TCF7L1: variants seen among roughly 807,000 people sequenced by gnomAD.
TCF7L1 encodes the protein transcription factor 7 like 1.
In TCF7L1, 18 loss-of-function variants were observed where a neutral mutation model predicts 63.7. The observed-to-expected ratio is 0.28, with a 90% CI of 0.20 to 0.42. TCF7L1 has a LOEUF of 0.42. Among genes scored for constraint, TCF7L1 ranks in the 10% least tolerant of loss-of-function variants. The pLI is 1.00. For synonymous variants in TCF7L1, 355 were observed against 340.9 expected, an observed-to-expected ratio of 1.04 and a Z score of -0.46; for missense variants, 654 against 779.3, an observed-to-expected ratio of 0.84 and a Z score of 1.91.
chr2:85,245,770 G>C (rs1009371928), intron 3 of TCF7L1, among the ~76,000 whole-genome samples: 1 of 150,988 alleles, frequency 6.6e-6, no homozygotes, highest in Non-Finnish European at 1.5e-5. Flanking sequence ...AGCCGAGATC[G>C]CACCACTGCA....
intron 3 of TCF7L1, among the ~76,000 whole-genome samples, chr2:85,234,295 T>C (rs1455493789): frequency 6.6e-6 from 1 of 151,808 alleles, no homozygotes; most frequent in Non-Finnish European, 1.5e-5. Context: ...GCCAACACGC[T>C]CAGCTAATTT....
intron 3 of TCF7L1, among the ~76,000 whole-genome samples, chr2:85,235,987 C>T (rs752639766): frequency 1.3e-5 from 2 of 151,940 alleles, no homozygotes; most frequent in East Asian, 3.9e-4. Context: ...AGTGAGACCT[C>T]GCCTCTACAA....
chr2:85,180,224 T>TG (rs1402336553), intron 3 of TCF7L1, among the ~76,000 whole-genome samples: 2 of 150,104 alleles, frequency 1.3e-5, no homozygotes, highest in African/African-American at 5.0e-5. Flanking sequence ...TTTTTTTTGT[T>TG]TTTGTTTTTG....
chr2:85,146,987 G>C (rs1677894487), intron 3 of TCF7L1, among the ~76,000 whole-genome samples: 1 of 151,922 alleles, frequency 6.6e-6, no homozygotes, highest in Admixed American at 6.6e-5. Context: ...AAATTCCCTT[G>C]TGTTTTTCTT....
intron 3 of TCF7L1, among the ~76,000 whole-genome samples, chr2:85,145,628 A>T (rs936799079): frequency 6.6e-5 from 10 of 152,220 alleles, no homozygotes; most frequent in African/African-American, 2.4e-4. Context: ...AGTGTCCTCT[A>T]GCCCTCTGAG....
At chr2:85,256,813 T>C (rs1218347367) in intron 3 of TCF7L1, among the ~76,000 whole-genome samples, 2 of 151,910 alleles carry the variant, frequency 1.3e-5, no homozygotes, top group African/African-American at 4.8e-5. Context: ...GGCGAAACCA[T>C]CTCTAATAAA....
At position 85,286,582 on chromosome 2, in the gene TCF7L1, G is replaced by A. The variant is rs915250490; in HGVS notation, c.525+3004G>A. On this transcript the variant is annotated intron_variant, in intron 4 of 11. Coordinates refer to ENST00000282111, the MANE Select transcript of TCF7L1 (RefSeq NM_031283.3). ...GCGATCTTGGCTCACCACAACCTCTGCCTCCTGGGTTCAAGCGATTCTCCT... is the reference window on the plus strand; with the variant it reads ...GCGATCTTGGCTCACCACAACCTCTACCTCCTGGGTTCAAGCGATTCTCCT... Among the ~76,000 whole-genome samples, 8 of 152,044 alleles carry A rather than the reference G, an allele frequency of 5.3e-5. No homozygotes were observed. In the East Asian group the frequency reaches 7.8e-4, roughly 15 times the overall value.
At chr2:85,289,450 T>G (rs1681637154) in intron 4 of TCF7L1, among the ~76,000 whole-genome samples, 1 of 152,184 alleles carries the variant, frequency 6.6e-6, no homozygotes, top group Non-Finnish European at 1.5e-5. Context: ...TGGTCAGATA[T>G]TCAGGGGTTT....
At chr2:85,206,986 G>A (rs1235433983) in intron 3 of TCF7L1, among the ~76,000 whole-genome samples, 2 of 152,154 alleles carry the variant, frequency 1.3e-5, no homozygotes, top group Non-Finnish European at 2.9e-5. Context: ...AGGCGCGTGC[G>A]TGGTATTCTG....
chr2:85,300,042 T>G (rs1228786714), intron 4 of TCF7L1, among the ~76,000 whole-genome samples: 1 of 152,170 alleles, frequency 6.6e-6, no homozygotes, highest in Admixed American at 6.6e-5. Flanking sequence ...AGAAAGTTTG[T>G]GTTATTCATA....
At chr2:85,245,326 G>A (rs1209520878) in intron 3 of TCF7L1, among the ~76,000 whole-genome samples, 1 of 152,162 alleles carries the variant, frequency 6.6e-6, no homozygotes, top group Admixed American at 6.5e-5. Context: ...GCCATAGGGG[G>A]TTCCCTTCTT....
intron 3 of TCF7L1, among the ~76,000 whole-genome samples, chr2:85,160,078 A>G (rs1678251683): frequency 6.6e-6 from 1 of 152,208 alleles, no homozygotes; most frequent in Non-Finnish European, 1.5e-5. Flanking sequence ...AAATTAGCAT[A>G]CAGAAAGATT....
chr2:85,258,215 C>T (rs1038887148), intron 3 of TCF7L1, among the ~76,000 whole-genome samples: 10 of 152,080 alleles, frequency 6.6e-5, no homozygotes, highest in Admixed American at 3.3e-4. Context: ...CACACTGTAC[C>T]CTTAGACCTG....
chr2:85,251,268 C>T (rs1680581117), intron 3 of TCF7L1, among the ~76,000 whole-genome samples: 1 of 152,154 alleles, frequency 6.6e-6, no homozygotes, highest in East Asian at 1.9e-4. Flanking sequence ...GGTCAGTGGA[C>T]CAAGTGGGTA....
intron 3 of TCF7L1, among the ~76,000 whole-genome samples, chr2:85,160,339 G>A (rs1053788934): frequency 3.9e-5 from 6 of 152,114 alleles, no homozygotes; most frequent in Non-Finnish European, 7.3e-5. Context: ...CCACTCTCCT[G>A]TAGCCTCCCA....
At chr2:85,299,538 G>C (rs1681914429) in intron 4 of TCF7L1, among the ~76,000 whole-genome samples, 1 of 150,210 alleles carries the variant, frequency 6.7e-6, no homozygotes, top group South Asian at 2.1e-4. Context: ...GGGTGACAGA[G>C]CAAGACTCTG....
At position 85,303,934 on chromosome 2, in the gene TCF7L1, A is replaced by G; in HGVS notation, c.698A>G (p.Tyr233Cys). 1.2e-6 allele frequency: 2 copies of G among 1,613,366 alleles called. No homozygotes were observed. Among genetic ancestry groups the G allele is most frequent in the African/African-American group, 1.3e-5 (1 of 74,836 alleles). The part of the protein sequence containing the change: ...RPPHPSELSP[Y>C]YPLSPGAVGQ... ...CCTCACCCATCCGAGCTGTCACCGT[A>G]TTACCCACTCTCTCCCGGAGCTGTC... Residue 233 changes from tyrosine to cysteine, a missense_variant, in exon 6 of 12, where the codon TAT becomes TGT. By Grantham distance (194) the Tyr-to-Cys change is radical. Around this residue, in one of 3 missense-constraint regions of TCF7L1, gnomAD observed 404 missense variants for 454.8 expected, o/e 0.89. Coordinates refer to ENST00000282111, the MANE Select transcript of TCF7L1 (RefSeq NM_031283.3).
chr2:85,149,114 G>A (rs1180150507), intron 3 of TCF7L1, among the ~76,000 whole-genome samples: 2 of 152,118 alleles, frequency 1.3e-5, no homozygotes, highest in Admixed American at 6.5e-5. Flanking sequence ...ACTAAATGGA[G>A]TCAGGGGAGA....
At chr2:85,260,651 A>C (rs1680838250) in intron 3 of TCF7L1, among the ~76,000 whole-genome samples, 1 of 151,414 alleles carries the variant, frequency 6.6e-6, no homozygotes. Context: ...CTCAAAAAAA[A>C]AAAACAGACA....
Sources: allele counts gnomAD v4.1 joint callset (sites outside exome capture counted in the v4.1 genomes callset), GRCh38; gene constraint gnomAD v4.1.1; regional missense constraint gnomAD v4.1.1; transcripts MANE v1.5; gene names NCBI Gene and HGNC (gene_info 2026-07-23, HGNC 2026-07-21).